The following UNC93B1 variants were observed in gnomAD, a reference collection of about 807,000 sequenced individuals.
The protein encoded by UNC93B1 is unc-93B1 regulator of TLR signaling.
A neutral mutation model predicts 56.8 loss-of-function variants in UNC93B1; 33 were observed. That is an observed-to-expected ratio of 0.58 (90% confidence interval 0.44 to 0.78). The LOEUF is 0.78. Ranked by LOEUF, UNC93B1 falls within the 30% of genes least tolerant of loss-of-function variation. UNC93B1 has a pLI of 0.00. For missense variants in UNC93B1, 673 were observed against 819.5 expected (o/e 0.82, Z 2.18); for synonymous variants, 334 against 358.6 (o/e 0.93, Z 0.77).
chr11:68,004,058 C>A lies in UNC93B1; in HGVS notation c.-15G>T, dbSNP rs1346462241. On this transcript the variant is annotated 5_prime_UTR_variant, in exon 1 of 11. Transcript: ENST00000227471. Reference sequence around the variant, plus strand: ...TCCGCCTCCATGGCCCGAACTACTGCGGACTCGCGGCGGTCGCCCCGGAGT... The same window carrying A: ...TCCGCCTCCATGGCCCGAACTACTGAGGACTCGCGGCGGTCGCCCCGGAGT... 1.5e-6 allele frequency: 2 copies of A among 1,341,306 alleles called. No individual in the cohort carries two copies. The highest frequency in any genetic ancestry group is 9.6e-7 in the Non-Finnish European group (1 of 1,044,414). 83.1% of individuals were successfully genotyped at this position (1,341,306 alleles called of 1,614,324 possible).
chr11:68,002,875 C>T (rs1857068456), intron 3 of UNC93B1, 147 bp downstream of exon 3: 1 of 1,115,814 alleles, frequency 9.0e-7, no homozygotes, highest in Non-Finnish European at 1.2e-6. Context: ...ACCCCCTTCA[C>T]TCTCAGGCTT....
Position 67,991,296 on chromosome 11 carries a change from C to G in UNC93B1, c.*250G>C. 2.5e-6 allele frequency: 1 copy of G among 403,876 alleles called. No homozygotes were observed. The highest frequency in any genetic ancestry group is 3.9e-5 in the East Asian group (1 of 25,548). 25.0% of individuals were successfully genotyped at this position (403,876 alleles called of 1,614,324 possible). Reference sequence around the variant, plus strand: ...GGCGCTGGGGCGCGTGCTAAGGGCCCGCGGGGTTTCAGCTGTATTTTCGAA... The same window carrying G: ...GGCGCTGGGGCGCGTGCTAAGGGCCGGCGGGGTTTCAGCTGTATTTTCGAA... On this transcript the variant is annotated 3_prime_UTR_variant, in exon 11 of 11. Transcript: ENST00000227471.
chr11:67,997,661 A>C lies in UNC93B1; in HGVS notation c.906+14T>G, dbSNP rs1856971191. On this transcript the variant is annotated intron_variant, in intron 7 of 10. Transcript: ENST00000227471. ...CTGCTTCACTGACTGTCCTGCCCCCATCCCGGGCCGCACCAGCAGCATGGC... is the reference window on the plus strand; with the variant it reads ...CTGCTTCACTGACTGTCCTGCCCCCCTCCCGGGCCGCACCAGCAGCATGGC... 1 of 1,600,640 alleles carries C rather than the reference A, an allele frequency of 6.2e-7. No homozygotes were observed.
At position 68,003,550 on chromosome 11, in the gene UNC93B1, A is replaced by G; in HGVS notation, c.238+107T>C. On this transcript the variant is annotated intron_variant, in intron 2 of 10. Transcript: ENST00000227471. The surrounding 1 kb of genome is among the most constrained non-coding windows in gnomAD (Gnocchi z 4.4). The stretch of plus-strand genomic sequence containing the variant: ...GGGCCGTGGCTGCAGCTGCGAGGGC[A>G]GCGGAGGGGAAGTGAGAGCGGGCGG... 2 of 1,389,594 alleles carry G rather than the reference A, an allele frequency of 1.4e-6. No homozygotes were observed. The highest frequency in any genetic ancestry group is 1.9e-6 in the Non-Finnish European group (2 of 1,065,468). 86.1% of individuals were successfully genotyped at this position (1,389,594 alleles called of 1,614,324 possible).
Position 68,003,131 on chromosome 11 carries a change from G to C in UNC93B1, c.283C>G (p.Arg95Gly), listed in dbSNP as rs1447462090. 2.5e-6 allele frequency: 4 copies of C among 1,613,374 alleles called. No individual in the cohort carries two copies. The highest frequency in any genetic ancestry group is 3.4e-6 in the Non-Finnish European group (4 of 1,179,800). Reference protein sequence around the residue: ...QLILHYDETYREVKYGNMGLP... With the variant: ...QLILHYDETYGEVKYGNMGLP... ...CCCATGTTGCCATACTTCACCTCGCGGTAGGTCTCGTCGTAGTGCAGGATC... is the reference window on the plus strand; with the variant it reads ...CCCATGTTGCCATACTTCACCTCGCCGTAGGTCTCGTCGTAGTGCAGGATC... The change falls in exon 3 of 11, where the codon CGC (arginine) becomes GGC (glycine). Residue 95 changes from arginine (R) to glycine (G), a missense_variant. Arg to Gly is a moderately radical substitution (Grantham distance 125, BLOSUM62 -2). Coordinates refer to ENST00000227471, the MANE Select transcript of UNC93B1 (RefSeq NM_030930.4). This position sits in a 1 kb window ranked among gnomAD's most constrained non-coding sequence, Gnocchi z 4.4.
At position 67,996,782 on chromosome 11, in the gene UNC93B1, C is replaced by T; in HGVS notation, c.909G>A (p.Val303=). The T allele has an allele frequency of 6.5e-7, 1 of 1,544,284 alleles. No individual in the cohort carries two copies. Among genetic ancestry groups the T allele is most frequent in the African/African-American group, 1.4e-5 (1 of 73,086 alleles). The change falls in exon 8 of 11, where the codon GTG becomes GTA. Residue 303 remains valine, a splice_region_variant and synonymous_variant. Transcript: ENST00000227471. ...GGTAAGCGGCTCCGCACAAACCCAG[C>T]ACCTGCGAACCCATTACTTGAAGGG... The part of the protein sequence containing the change: ...MAVAFLAMLL[V]LGLCGAAYRP...
Position 68,003,851 on chromosome 11 carries a change from C to T in UNC93B1, c.97-53G>A. 2.2e-6 allele frequency: 3 copies of T among 1,350,914 alleles called. No individual in the cohort carries two copies. Among genetic ancestry groups the T allele is most frequent in the Non-Finnish European group, 2.8e-6 (3 of 1,053,324 alleles). 83.7% of individuals were successfully genotyped at this position (1,350,914 alleles called of 1,614,324 possible). A position where few individuals can be genotyped will look rare whatever the true frequency, so the allele number is the denominator to read the frequency against. On this transcript the variant is annotated intron_variant, in intron 1 of 10. Coordinates refer to ENST00000227471, the MANE Select transcript of UNC93B1 (RefSeq NM_030930.4). The surrounding 1 kb of genome is among the most constrained non-coding windows in gnomAD (Gnocchi z 4.4). ...CGCGATCGCGCCCCGAACCCGTGTC[C>T]CCCGGTGCCCGCCGCCCCCCGGCCC...
At chr11:67,992,515 T>G (rs1170071438) in intron 10 of UNC93B1, among the ~76,000 whole-genome samples, 4 of 152,166 alleles carry the variant, frequency 2.6e-5, no homozygotes, top group African/African-American at 9.7e-5. Flanking sequence ...TTTTTTAAAT[T>G]TTTTGTAGAG....
Position 67,999,519 on chromosome 11 carries a change from C to T in UNC93B1, c.554G>A (p.Arg185Lys), listed in dbSNP as rs779990255. ...LWASMGNYITRMAQKYHEYSH... is the reference protein window; with the variant it reads ...LWASMGNYITKMAQKYHEYSH... ...CTGCCCTGCTGCCCACCAGGCTCACCTGGTGATGTAGTTGCCCATGGAAGC... is the reference window on the plus strand; with the variant it reads ...CTGCCCTGCTGCCCACCAGGCTCACTTGGTGATGTAGTTGCCCATGGAAGC... The change falls in exon 4 of 11, where the codon AGG becomes AAG. Residue 185 changes from arginine (R) to lysine (K), a missense_variant and splice_region_variant. Coordinates refer to ENST00000227471, the MANE Select transcript of UNC93B1 (RefSeq NM_030930.4). 10 of 1,550,426 alleles carry T rather than the reference C, an allele frequency of 6.4e-6. No homozygotes were observed. Among genetic ancestry groups the T allele is most frequent in the Non-Finnish European group, 8.7e-6 (10 of 1,146,344 alleles).
chr11:67,999,742 A>G lies in UNC93B1; in HGVS notation c.393-62T>C, dbSNP rs890464793. The G allele has an allele frequency of 3.8e-6, 6 of 1,567,980 alleles. No individual in the cohort carries two copies. The Admixed American group carries it at 9.2e-5, about 24-fold the overall frequency. ...TGCTGGACCACTGTGGCCTGAAGCCAAACGGGGCCACAACCGCAGGTCCCA... is the reference window on the plus strand; with the variant it reads ...TGCTGGACCACTGTGGCCTGAAGCCGAACGGGGCCACAACCGCAGGTCCCA... On this transcript the variant is annotated intron_variant, in intron 3 of 10. Coordinates refer to ENST00000227471, the MANE Select transcript of UNC93B1 (RefSeq NM_030930.4).
rs777264165 is a variant in UNC93B1, at chr11:67,999,323, G to T, written c.555-18C>A. 3.0e-5 allele frequency: 48 copies of T among 1,606,224 alleles called. No individual in the cohort carries two copies. The South Asian group carries it at 5.2e-4, about 17-fold the overall frequency. ...GCGCCATCCTGGACCACAAAGGAGAGAAGGCTCTCCCCAGCCCGACCTGTG... is the reference window on the plus strand; with the variant it reads ...GCGCCATCCTGGACCACAAAGGAGATAAGGCTCTCCCCAGCCCGACCTGTG... On this transcript the variant is annotated intron_variant, in intron 4 of 10. Transcript: ENST00000227471.
chr11:67,993,478 G>T (rs1366827565), intron 10 of UNC93B1, among the ~76,000 whole-genome samples, 198 bp downstream of exon 10: 5 of 152,238 alleles, frequency 3.3e-5, no homozygotes, highest in Admixed American at 1.3e-4. Flanking sequence ...CCTCAGAGAT[G>T]GGCAAACTGA....
chr11:67,998,401 G>C lies in UNC93B1; in HGVS notation c.739C>G (p.Leu247Val). 1 of 1,614,014 alleles carries C rather than the reference G, an allele frequency of 6.2e-7. No individual in the cohort carries two copies. Among genetic ancestry groups the C allele is most frequent in the Non-Finnish European group, 8.5e-7 (1 of 1,179,888 alleles). Residue 247 changes from leucine to valine, a missense_variant, in exon 6 of 11, where the codon CTG (leucine) becomes GTG (valine). Physicochemically the swap from Leu to Val is conservative, Grantham distance 32. Coordinates refer to ENST00000227471, the MANE Select transcript of UNC93B1 (RefSeq NM_030930.4). ...TACAGCGTGTGGTTCAGGTCATACA[G>C]GTAGTGGTTCAGGAAATAAATCATG... Reference protein sequence around the residue: ...LPMIYFLNHYLYDLNHTLYNV... With the variant: ...LPMIYFLNHYVYDLNHTLYNV...
rs1376899603 is a variant in UNC93B1, at chr11:68,003,683, C to T, written c.212G>A (p.Gly71Asp). The change falls in exon 2 of 11, where the codon GGC (glycine) becomes GAC (aspartate). Residue 71 changes from glycine (G) to aspartate (D), a missense_variant. Transcript: ENST00000227471. The surrounding 1 kb of genome is among the most constrained non-coding windows in gnomAD (Gnocchi z 4.4). ...LKNVLAASAG[G>D]MLTYGVYLGL... ...CAGGTAGACGCCGTAGGTGAGCATG[C>T]CCCCGGCGCTGGCAGCCAGCACGTT... 2.6e-6 allele frequency: 4 copies of T among 1,529,034 alleles called. No homozygotes were observed. Among genetic ancestry groups the T allele is most frequent in the African/African-American group, 1.4e-5 (1 of 71,318 alleles). 94.7% of individuals were successfully genotyped at this position (1,529,034 alleles called of 1,614,324 possible). A position where few individuals can be genotyped will look rare whatever the true frequency, so the allele number is the denominator to read the frequency against.
chr11:68,003,984 C>T lies in UNC93B1; in HGVS notation c.60G>A (p.Glu20=), dbSNP rs1308736863. The change falls in exon 1 of 11, where the codon GAG becomes GAA. Residue 20 remains glutamate, a synonymous_variant. Coordinates refer to ENST00000227471, the MANE Select transcript of UNC93B1 (RefSeq NM_030930.4). This position sits in a 1 kb window ranked among gnomAD's most constrained non-coding sequence, Gnocchi z 4.4. ...MAGAAGPQGD[E]DLLGVPDGPE... The stretch of plus-strand genomic sequence containing the variant: ...GCCCGTCCGGGACCCCGAGCAGGTC[C>T]TCGTCGCCCTGCGGCCCCGCAGCCC... 1.4e-6 allele frequency: 2 copies of T among 1,400,088 alleles called. No homozygotes were observed. Among genetic ancestry groups the T allele is most frequent in the South Asian group, 1.5e-5 (1 of 66,468 alleles). 86.7% of individuals were successfully genotyped at this position (1,400,088 alleles called of 1,614,324 possible). A position where few individuals can be genotyped will look rare whatever the true frequency, so the allele number is the denominator to read the frequency against.
Position 67,994,095 on chromosome 11 carries a change from T to C in UNC93B1, c.1364-301A>G, listed in dbSNP as rs1426116821. Among the ~76,000 whole-genome samples, 21 of 152,372 alleles carry C rather than the reference T, an allele frequency of 1.4e-4. No individual in the cohort carries two copies. The East Asian group carries it at 3.1e-3, about 22-fold the overall frequency. The stretch of plus-strand genomic sequence containing the variant: ...GAAAGCTCTGTGCTTAGTCATGTCC[T>C]GTCCCCAACCCAGGTGTGCAGTGCC... On this transcript the variant is annotated intron_variant, in intron 9 of 10. Transcript: ENST00000227471.
Position 68,003,814 on chromosome 11 carries a change from G to T in UNC93B1, c.97-16C>A, listed in dbSNP as rs1303475529. ...GCTCGTCCAGCTGCGAGCCACGCAC[G>T]CCGCTCGCACCCGCGATCGCGCCCC... On this transcript the variant is annotated splice_polypyrimidine_tract_variant and intron_variant, in intron 1 of 10. Coordinates refer to ENST00000227471, the MANE Select transcript of UNC93B1 (RefSeq NM_030930.4). This position sits in a 1 kb window ranked among gnomAD's most constrained non-coding sequence, Gnocchi z 4.4. 1 of 1,463,964 alleles carries T rather than the reference G, an allele frequency of 6.8e-7. No individual in the cohort carries two copies. Among genetic ancestry groups the T allele is most frequent in the Non-Finnish European group, 9.0e-7 (1 of 1,111,840 alleles). The allele number at this position is 1,463,964 out of a possible 1,614,324, so 90.7% of individuals were successfully genotyped here. A position where few individuals can be genotyped will look rare whatever the true frequency, so the allele number is the denominator to read the frequency against.
At chr11:68,002,237 C>T (rs564372558) in intron 3 of UNC93B1, among the ~76,000 whole-genome samples, 4 of 151,518 alleles carry the variant, frequency 2.6e-5, no homozygotes, top group African/African-American at 7.3e-5. Context: ...CGTCCACACA[C>T]GTGCTCTGGG....
chr11:67,991,455 G>C lies in UNC93B1; in HGVS notation c.*91C>G. ...GGGGAGACAGGGGCCTTTGAAGACA[G>C]CGCGGGACTCGGAGGGGGTCCCCCC... On this transcript the variant is annotated 3_prime_UTR_variant, in exon 11 of 11. Transcript: ENST00000227471. 1 of 1,256,000 alleles carries C rather than the reference G, an allele frequency of 8.0e-7. No individual in the cohort carries two copies. The highest frequency in any genetic ancestry group is 1.0e-6 in the Non-Finnish European group (1 of 969,260). 77.8% of individuals were successfully genotyped at this position (1,256,000 alleles called of 1,614,324 possible). A position where few individuals can be genotyped will look rare whatever the true frequency, so the allele number is the denominator to read the frequency against.
Sources: gnomAD v4.1 joint callset for allele counts (sites outside exome capture counted in the v4.1 genomes callset) on GRCh38, gnomAD v4.1.1 for gene constraint, Gnocchi (gnomAD v3.1) non-coding constraint, MANE v1.5 for transcripts, NCBI Gene and HGNC (gene_info 2026-07-23, HGNC 2026-07-21) for gene names.